OXR1: variants seen among roughly 807,000 people sequenced by gnomAD.
The protein encoded by OXR1 is oxidation resistance protein 1.
Under a neutral mutation model 104.6 loss-of-function variants are expected in OXR1, and 41 were observed. The observed-to-expected ratio is 0.39, with a 90% CI of 0.31 to 0.51. The LOEUF (loss-of-function observed/expected upper bound fraction) is 0.51, where lower values mean the gene tolerates loss of function less well. OXR1 is among the 20% of genes least tolerant of loss of function. The pLI is 0.77. For missense variants in OXR1, 955 were observed against 1,031.9 expected (o/e 0.93, Z 1.02); for synonymous variants, 348 against 348.4 (o/e 1.00, Z 0.01).
chr8:106,549,823 T>C (rs1219244586), intron 3 of OXR1, among the ~76,000 whole-genome samples: 1 of 152,206 alleles, frequency 6.6e-6, no homozygotes, highest in African/African-American at 2.4e-5. Context: ...TTCTCAGTGG[T>C]GTTACCTTCA....
chr8:106,443,985 A>G (rs1276275202), intron 2 of OXR1, among the ~76,000 whole-genome samples: 2 of 152,208 alleles, frequency 1.3e-5, no homozygotes, highest in Non-Finnish European at 2.9e-5. Flanking sequence ...AGGAACTTAA[A>G]CATATTTACA....
chr8:106,316,746 A>ATCTG (rs1813976635), intron 1 of OXR1, among the ~76,000 whole-genome samples: 2 of 151,420 alleles, frequency 1.3e-5, no homozygotes, highest in Non-Finnish European at 2.9e-5. Flanking sequence ...CTATCTATCT[A>ATCTG]TCTATCTATC....
At chr8:106,670,790 T>C (rs1826865027) in intron 3 of OXR1, among the ~76,000 whole-genome samples, 1 of 152,020 alleles carries the variant, frequency 6.6e-6, no homozygotes, top group Non-Finnish European at 1.5e-5. Context: ...TATGTACATA[T>C]ACATATGAAT....
rs192938647 is a variant in OXR1, at chr8:106,358,681, T to G, written c.-138-795T>G. 3.9e-3 allele frequency among the ~76,000 whole-genome samples: 601 copies of G among 152,280 alleles called. 13 individuals are homozygous for G. The highest frequency in any genetic ancestry group is 0.033 in the Admixed American group (506 of 15,288). On this transcript the variant is annotated intron_variant, in intron 1 of 16. Transcript: ENST00000517566. ...ACTATGGAATTAATTTGATTGATTTTGATTCAAAATCATAGGACACTATAG... is the reference window on the plus strand; with the variant it reads ...ACTATGGAATTAATTTGATTGATTTGGATTCAAAATCATAGGACACTATAG...
At chr8:106,456,429 C>A (rs563574756) in intron 2 of OXR1, among the ~76,000 whole-genome samples, 1 of 151,882 alleles carries the variant, frequency 6.6e-6, no homozygotes, top group Non-Finnish European at 1.5e-5. Flanking sequence ...GGATTATTTA[C>A]GAAATAAAAA....
chr8:106,404,397 A>G (rs151109039), intron 2 of OXR1, among the ~76,000 whole-genome samples: 1 of 152,294 alleles, frequency 6.6e-6, no homozygotes, highest in African/African-American at 2.4e-5. Context: ...CCTCATTTTA[A>G]CAGTAGAGAA....
At chr8:106,649,630 A>T (rs13254771) in intron 3 of OXR1, among the ~76,000 whole-genome samples, 2 of 151,940 alleles carry the variant, frequency 1.3e-5, no homozygotes, top group Non-Finnish European at 2.9e-5. Flanking sequence ...TTATCTGGTT[A>T]ATGAATGCCT....
chr8:106,413,768 G>A (rs1818559132), intron 2 of OXR1, among the ~76,000 whole-genome samples: 1 of 148,352 alleles, frequency 6.7e-6, no homozygotes, highest in Non-Finnish European at 1.5e-5. Flanking sequence ...CTGTCACCCA[G>A]GCTGGAGTGC....
At chr8:106,750,079 A>T (rs1375761209) in intron 16 of OXR1, among the ~76,000 whole-genome samples, 1 of 151,862 alleles carries the variant, frequency 6.6e-6, no homozygotes, top group Non-Finnish European at 1.5e-5. Context: ...ATTTTAGATG[A>T]TACTGAATTT....
intron 1 of OXR1, among the ~76,000 whole-genome samples, chr8:106,301,354 A>AATGT (rs1554620124): frequency 7.2e-5 from 11 of 152,072 alleles, no homozygotes; most frequent in African/African-American, 2.7e-4. Flanking sequence ...AACTATTTAA[A>AATGT]ATTCTAATAA....
intron 2 of OXR1, among the ~76,000 whole-genome samples, chr8:106,431,280 GTGA>G (rs201413623): frequency 6.6e-6 from 1 of 152,030 alleles, no homozygotes; most frequent in Non-Finnish European, 1.5e-5. Flanking sequence ...AATGATGATG[GTGA>G]TGATGATGAT....
At chr8:106,609,038 A>G (rs947966092) in intron 3 of OXR1, among the ~76,000 whole-genome samples, 2 of 152,100 alleles carry the variant, frequency 1.3e-5, no homozygotes, top group South Asian at 2.1e-4. Flanking sequence ...TGCTTTCCTG[A>G]TTGCTTTCTG....
At chr8:106,494,372 C>G (rs1354480044) in intron 2 of OXR1, among the ~76,000 whole-genome samples, 1 of 152,124 alleles carries the variant, frequency 6.6e-6, no homozygotes, top group Non-Finnish European at 1.5e-5. Flanking sequence ...AAAACAGTGG[C>G]TTTTCCCTAT....
At chr8:106,442,495 A>G (rs773674308) in intron 2 of OXR1, among the ~76,000 whole-genome samples, 1 of 152,120 alleles carries the variant, frequency 6.6e-6, no homozygotes, top group Non-Finnish European at 1.5e-5. Context: ...GAATGGTACC[A>G]GCTCCTCTTT....
At chr8:106,301,325 T>C (rs1323479627) in intron 1 of OXR1, among the ~76,000 whole-genome samples, 1 of 151,798 alleles carries the variant, frequency 6.6e-6, no homozygotes, top group East Asian at 1.9e-4. Flanking sequence ...GCTTCCATGT[T>C]ATATATGCAG....
rs1335756954 is a variant in OXR1, at chr8:106,679,292, T to G, written c.303T>G (p.Thr101=). ...FQKPKGTIEY[T]VESRDSLNSI... is the part of the protein sequence containing the mutation. ...AACCTAAAGGGACTATTGAGTATACTGTAAGTTATTTGCTTTCGAAAAAGC... is the reference window on the plus strand; with the variant it reads ...AACCTAAAGGGACTATTGAGTATACGGTAAGTTATTTGCTTTCGAAAAAGC... The change falls in exon 4 of 17, where the codon ACT becomes ACG. Residue 101 remains threonine (T), a splice_region_variant and synonymous_variant. Coordinates refer to ENST00000517566, the MANE Select transcript of OXR1 (RefSeq NM_001198533.2). 14 of 1,524,790 alleles carry G rather than the reference T, an allele frequency of 9.2e-6. No individual in the cohort carries two copies. Among genetic ancestry groups the G allele is most frequent in the Non-Finnish European group, 1.3e-5 (14 of 1,111,848 alleles). The allele number at this position is 1,524,790 out of a possible 1,614,324, so 94.5% of individuals were successfully genotyped here. A position where few individuals can be genotyped will look rare whatever the true frequency, so the allele number is the denominator to read the frequency against.
At chr8:106,282,259 A>T (rs1452176821) in intron 1 of OXR1, among the ~76,000 whole-genome samples, 1 of 152,204 alleles carries the variant, frequency 6.6e-6, no homozygotes, top group African/African-American at 2.4e-5. Context: ...GAAACCACAT[A>T]AGTAATTAGC....
intron 2 of OXR1, among the ~76,000 whole-genome samples, chr8:106,468,392 T>A (rs1821297033): frequency 6.6e-6 from 1 of 151,784 alleles, no homozygotes. Flanking sequence ...AGAAGATAGC[T>A]ATACATATAC....
chr8:106,739,258 T>C (rs1259345407), intron 12 of OXR1, among the ~76,000 whole-genome samples, 200 bp from the exon 13 acceptor site: 2 of 152,166 alleles, frequency 1.3e-5, no homozygotes, highest in Non-Finnish European at 2.9e-5. Flanking sequence ...AACGTCTGCT[T>C]ATATTGTTAT....
Sources: gnomAD v4.1 joint callset for allele counts (sites outside exome capture counted in the v4.1 genomes callset) on GRCh38, gnomAD v4.1.1 for gene constraint, MANE v1.5 for transcripts, NCBI Gene and HGNC (gene_info 2026-07-23, HGNC 2026-07-21) for gene names.